PTPRJ: variants seen among roughly 807,000 people sequenced by gnomAD.
PTPRJ encodes protein tyrosine phosphatase receptor type J.
Under a neutral mutation model 141.3 loss-of-function variants are expected in PTPRJ, and 129 were observed. That is an observed-to-expected ratio of 0.91 (90% CI 0.79 to 1.06). The LOEUF (loss-of-function observed/expected upper bound fraction) is 1.06, where lower values mean the gene tolerates loss of function less well. PTPRJ is among the 50% of genes least tolerant of loss of function. The pLI is 0.00. For missense variants in PTPRJ, 1,601 were observed against 1,679.7 expected, an observed-to-expected ratio of 0.95 and a Z score of 0.82; for synonymous variants, 610 against 640.5, an observed-to-expected ratio of 0.95 and a Z score of 0.72.
chr11:48,046,777 T>C (rs1013325568), intron 1 of PTPRJ, among the ~76,000 whole-genome samples: 6 of 151,552 alleles, frequency 4.0e-5, no homozygotes, highest in African/African-American at 1.5e-4. Context: ...AAACTTAGGC[T>C]CAGAGAGGCT....
At chr11:48,026,738 G>A (rs1339406123) in intron 1 of PTPRJ, among the ~76,000 whole-genome samples, 3 of 152,004 alleles carry the variant, frequency 2.0e-5, no homozygotes, top group Admixed American at 6.6e-5. Context: ...GTGAGCCACC[G>A]TGCCTGGCCA....
intron 1 of PTPRJ, among the ~76,000 whole-genome samples, chr11:48,009,734 C>T (rs1854729126): frequency 6.6e-6 from 1 of 152,272 alleles, no homozygotes; most frequent in African/African-American, 2.4e-5. Context: ...CACGTAACTG[C>T]TATGTGCCCC....
At chr11:48,063,627 C>CA (rs1389016906) in intron 1 of PTPRJ, among the ~76,000 whole-genome samples, 2 of 152,152 alleles carry the variant, frequency 1.3e-5, no homozygotes, top group African/African-American at 4.8e-5. Context: ...GAGGGAAGTG[C>CA]ACATTTTTAG....
rs1165712831 is a variant in PTPRJ, at chr11:48,137,294, C to T, written c.2152+13C>T. 6.2e-7 allele frequency: 1 copy of T among 1,608,542 alleles called. No individual in the cohort carries two copies. The highest frequency in any genetic ancestry group is 1.3e-5 in the African/African-American group (1 of 74,828). On this transcript the variant is annotated intron_variant, in intron 10 of 24. Coordinates refer to ENST00000418331, the MANE Select transcript of PTPRJ (RefSeq NM_002843.4). Reference sequence around the variant, plus strand: ...TCATTCTGTACAGGTGAGTGTAGCCCCAACTGCCTCTTGGACTCCTCCCTG... The same window carrying T: ...TCATTCTGTACAGGTGAGTGTAGCCTCAACTGCCTCTTGGACTCCTCCCTG...
chr11:48,025,250 A>T (rs1021526724), intron 1 of PTPRJ, among the ~76,000 whole-genome samples: 1 of 152,192 alleles, frequency 6.6e-6, no homozygotes, highest in Admixed American at 6.5e-5. Context: ...CTAGAGATTA[A>T]AAAGAGGTGC....
intron 1 of PTPRJ, among the ~76,000 whole-genome samples, chr11:48,076,314 G>T (rs548852528): frequency 2.6e-5 from 4 of 152,038 alleles, no homozygotes; most frequent in East Asian, 1.9e-4. Context: ...ATTCATTGTT[G>T]TATTAGAGTT....
intron 3 of PTPRJ, among the ~76,000 whole-genome samples, chr11:48,120,227 G>A (rs1192912322): frequency 1.3e-5 from 2 of 152,164 alleles, no homozygotes; most frequent in African/African-American, 4.8e-5. Flanking sequence ...GCTAATGGAT[G>A]GAGCAGGTCT....
rs376884445 is a variant in PTPRJ, at chr11:48,121,636, T to C, written c.616+370T>C. 6.6e-5 allele frequency among the ~76,000 whole-genome samples: 10 copies of C among 152,326 alleles called. No homozygotes were observed. In the South Asian group the frequency reaches 1.0e-3, roughly 16 times the overall value. On this transcript the variant is annotated intron_variant, in intron 4 of 24. Coordinates refer to ENST00000418331, the MANE Select transcript of PTPRJ (RefSeq NM_002843.4). ...ATGCTGTGTTTATATTCCCAGGAGT[T>C]TCTGTTGGGCAGGAAAGTTTGGTGT...
intron 1 of PTPRJ, among the ~76,000 whole-genome samples, chr11:48,028,141 G>A (rs1278901444): frequency 6.6e-6 from 1 of 152,168 alleles, no homozygotes; most frequent in Non-Finnish European, 1.5e-5. Flanking sequence ...TGAAACATAA[G>A]GCCGTCTTGG....
chr11:47,988,208 G>A (rs1854099803), intron 1 of PTPRJ, among the ~76,000 whole-genome samples: 1 of 152,076 alleles, frequency 6.6e-6, no homozygotes, highest in African/African-American at 2.4e-5. Flanking sequence ...TTTCTTGGGG[G>A]GGAAAAGAAG....
chr11:48,157,245 C>T (rs1387509892), intron 21 of PTPRJ, among the ~76,000 whole-genome samples: 1 of 152,132 alleles, frequency 6.6e-6, no homozygotes, highest in Admixed American at 6.5e-5. Flanking sequence ...CCTTGGCCTC[C>T]CAAAGTGCTG....
intron 22 of PTPRJ, 29 bp from the exon 23 acceptor site, chr11:48,163,426 GTCT>G (rs1857834743): frequency 6.2e-7 from 1 of 1,604,848 alleles, no homozygotes; most frequent in African/African-American, 1.3e-5. Flanking sequence ...CAGCCTTTCT[GTCT>G]GGATCTAAAT....
intron 1 of PTPRJ, among the ~76,000 whole-genome samples, chr11:48,108,955 G>C (rs1235371072): frequency 2.0e-5 from 3 of 152,178 alleles, no homozygotes; most frequent in Non-Finnish European, 2.9e-5. Flanking sequence ...CTGTTCTCAT[G>C]GAGCACACAG....
At chr11:47,999,938 C>T (rs1009008860) in intron 1 of PTPRJ, among the ~76,000 whole-genome samples, 1 of 150,416 alleles carries the variant, frequency 6.6e-6, no homozygotes, top group Non-Finnish European at 1.5e-5. Context: ...CTCACTGCAA[C>T]CTCCGCCTTC....
At chr11:48,049,727 A>G (rs1292147104) in intron 1 of PTPRJ, among the ~76,000 whole-genome samples, 2 of 151,804 alleles carry the variant, frequency 1.3e-5, no homozygotes, top group Non-Finnish European at 2.9e-5. Flanking sequence ...AAAAAAAAAA[A>G]AAAAAAAGAA....
chr11:48,145,634 C>T (rs1057467719), intron 14 of PTPRJ, among the ~76,000 whole-genome samples: 1 of 144,064 alleles, frequency 6.9e-6, no homozygotes, highest in African/African-American at 2.5e-5. Context: ...TATCTGCTCA[C>T]TGCAACCTCT....
chr11:48,086,807 A>G (rs1432789190), intron 1 of PTPRJ, among the ~76,000 whole-genome samples: 2 of 152,208 alleles, frequency 1.3e-5, no homozygotes, highest in East Asian at 3.8e-4. Context: ...CAGTGCTTTA[A>G]AAAATGTCTG....
intron 2 of PTPRJ, among the ~76,000 whole-genome samples, chr11:48,111,324 G>A (rs1220000327): frequency 5.4e-5 from 7 of 129,478 alleles, no homozygotes; most frequent in South Asian, 2.7e-4. Flanking sequence ...ATAGTAGTTG[G>A]TAGTTTTTTA....
chr11:47,996,197 T>C (rs1208233594), intron 1 of PTPRJ, among the ~76,000 whole-genome samples: 1 of 151,274 alleles, frequency 6.6e-6, no homozygotes, highest in East Asian at 1.9e-4. Context: ...TAGCTGGGCA[T>C]GGTGGTGGGT....
Sources: gnomAD v4.1 joint callset for allele counts (sites outside exome capture counted in the v4.1 genomes callset) on GRCh38, gnomAD v4.1.1 for gene constraint, MANE v1.5 for transcripts, NCBI Gene and HGNC (gene_info 2026-07-23, HGNC 2026-07-21) for gene names.